Variants in SANBR observed in about 807,000 individuals in gnomAD.
The protein encoded by SANBR is SANT and BTB domain regulator of CSR, also known as SANT and BTB domain regulator of class switch recombination.
SANBR carries 77 observed loss-of-function variants against 101.8 expected under a neutral mutation model. The observed-to-expected ratio is 0.76, with a 90% CI of 0.63 to 0.91. The LOEUF (loss-of-function observed/expected upper bound fraction) is 0.91, where lower values mean the gene tolerates loss of function less well. Among genes scored for constraint, SANBR ranks in the 40% least tolerant of loss-of-function variants. SANBR has a pLI of 0.00. For synonymous variants in SANBR, 279 were observed against 274.7 expected (o/e 1.02, Z -0.15); for missense variants, 875 against 853.0 (o/e 1.03, Z -0.32).
chr2:61,084,193 A>G (rs546902284), intron 8 of SANBR, among the ~76,000 whole-genome samples: 19 of 152,236 alleles, frequency 1.2e-4, no homozygotes, highest in African/African-American at 4.1e-4. Context: ...GGCTCAAGCA[A>G]TCCACCCGCC....
intron 16 of SANBR, among the ~76,000 whole-genome samples, chr2:61,114,032 CATTG>C (rs1446022387): frequency 3.3e-5 from 5 of 152,252 alleles, no homozygotes; most frequent in East Asian, 1.9e-4. Context: ...CAATTAGGTA[CATTG>C]ATTGATTTTT....
downstream of SANBR, among the ~76,000 whole-genome samples, chr2:61,126,192 T>C (rs1684507722): frequency 6.6e-6 from 1 of 152,230 alleles, no homozygotes; most frequent in Admixed American, 6.5e-5. Flanking sequence ...AATGGCATTA[T>C]TGCCTACCGA....
At chr2:61,108,173 C>T (rs1267136113) in intron 14 of SANBR, 144 bp from the exon 15 acceptor site, 1 of 468,056 alleles carries the variant, frequency 2.1e-6, no homozygotes, top group Non-Finnish European at 3.8e-6. Flanking sequence ...ATATCACTTT[C>T]AGCCTGAGTT....
chr2:61,119,235 C>T (rs1345112334), intron 20 of SANBR, among the ~76,000 whole-genome samples: 2 of 152,206 alleles, frequency 1.3e-5, no homozygotes, highest in Non-Finnish European at 2.9e-5. Context: ...AAGTACCATA[C>T]TCTTGCCCTA....
In SANBR at chr2:61,106,572, G is replaced by T; in HGVS notation, c.1521G>T (p.Gly507=). The change falls in exon 14 of 22, where the codon GGG becomes GGT. Residue 507 remains glycine, a synonymous_variant. Transcript: ENST00000402291. ...PFSKDTVSDV[G]VGLCDEKGIE... is the part of the protein sequence containing the mutation. The stretch of plus-strand genomic sequence containing the variant: ...GTCTTTTTCTTTCAAGTGATGTTGG[G>T]GTTGGCCTCTGTGATGAAAAGGGTA... 1 of 1,595,026 alleles carries T rather than the reference G, an allele frequency of 6.3e-7. No individual in the cohort carries two copies. The highest frequency in any genetic ancestry group is 8.5e-7 in the Non-Finnish European group (1 of 1,172,718).
At chr2:61,083,909 T>C (rs1271016703) in intron 8 of SANBR, among the ~76,000 whole-genome samples, 1 of 152,120 alleles carries the variant, frequency 6.6e-6, no homozygotes, top group Non-Finnish European at 1.5e-5. Context: ...GGTCTCACTT[T>C]GTTGCCCAGT....
intron 10 of SANBR, among the ~76,000 whole-genome samples, 172 bp from the exon 11 acceptor site, chr2:61,092,292 G>C (rs1284766992): frequency 1.3e-5 from 2 of 152,238 alleles, no homozygotes; most frequent in African/African-American, 4.8e-5. Flanking sequence ...GCCAAGGCAA[G>C]AGAATTGCTT....
intron 20 of SANBR, among the ~76,000 whole-genome samples, chr2:61,119,919 G>T (rs1033541514): frequency 4.6e-5 from 7 of 152,120 alleles, no homozygotes; most frequent in African/African-American, 1.7e-4. Flanking sequence ...CCAAGAGCAC[G>T]CCACTACACT....
intron 20 of SANBR, among the ~76,000 whole-genome samples, chr2:61,129,718 C>T (rs1684627236): frequency 6.6e-6 from 1 of 151,214 alleles, no homozygotes; most frequent in African/African-American, 2.4e-5. Flanking sequence ...ATGAAGAGAA[C>T]CAGAAATGAG....
chr2:61,098,957 A>C (rs1449703887), intron 12 of SANBR, among the ~76,000 whole-genome samples: 1 of 152,244 alleles, frequency 6.6e-6, no homozygotes, highest in East Asian at 1.9e-4. Flanking sequence ...GGTATGATTC[A>C]GCCATAGATG....
At chr2:61,091,967 T>A (rs774162012) in intron 10 of SANBR, among the ~76,000 whole-genome samples, 78 of 152,334 alleles carry the variant, frequency 5.1e-4, no homozygotes, top group Non-Finnish European at 5.1e-4. Context: ...ATTAATGAAA[T>A]GTTATTAGTG....
intron 4 of SANBR, among the ~76,000 whole-genome samples, chr2:61,072,850 T>TTTTTTTTTA (rs59557585): frequency 9.5e-6 from 1 of 105,246 alleles, no homozygotes; most frequent in East Asian, 2.2e-4. Context: ...TTTTTTTTTT[T>TTTTTTTTTA]ATACAGGTAC....
chr2:61,097,950 A>G, intron 12 of SANBR, 98 bp downstream of exon 12: 3 of 960,184 alleles, frequency 3.1e-6, no homozygotes, highest in Non-Finnish European at 3.0e-6. Flanking sequence ...AAATATAGTA[A>G]GAAGCCGTTC....
At chr2:61,085,693 T>C (rs1427937344) in intron 8 of SANBR, among the ~76,000 whole-genome samples, 2 of 152,082 alleles carry the variant, frequency 1.3e-5, no homozygotes, top group East Asian at 1.9e-4. Context: ...ATATTTTTAG[T>C]AGAGACGGGG....
chr2:61,127,465 T>G (rs1201044921), downstream of SANBR, among the ~76,000 whole-genome samples: 1 of 152,198 alleles, frequency 6.6e-6, no homozygotes, highest in Non-Finnish European at 1.5e-5. Context: ...CTGAGCAGAC[T>G]AGAAAGTTAA....
chr2:61,121,047 T>C (rs1684311199), intron 20 of SANBR, 138 bp from the exon 21 acceptor site: 2 of 609,850 alleles, frequency 3.3e-6, no homozygotes, highest in South Asian at 2.1e-5. Flanking sequence ...TTTTTCTTTA[T>C]GTAAATTAAA....
chr2:61,107,494 A>T (rs917293589), intron 14 of SANBR, among the ~76,000 whole-genome samples: 3 of 152,228 alleles, frequency 2.0e-5, no homozygotes, highest in Admixed American at 6.5e-5. Context: ...GTTACTAAGG[A>T]CCAGGGAATA....
chr2:61,066,652 G>T (rs1681186620), intron 1 of SANBR, among the ~76,000 whole-genome samples: 1 of 152,218 alleles, frequency 6.6e-6, no homozygotes, highest in African/African-American at 2.4e-5. Context: ...CCTGCCCCAC[G>T]GGGCCCCCTC....
Position 61,088,141 on chromosome 2 carries a change from G to C in SANBR, c.891-18G>C, listed in dbSNP as rs760478098. 13 of 1,443,926 alleles carry C rather than the reference G, an allele frequency of 9.0e-6. No homozygotes were observed. The South Asian group carries it at 1.6e-4, about 18-fold the overall frequency. The allele number at this position is 1,443,926 out of a possible 1,614,324, so 89.4% of individuals were successfully genotyped here. On this transcript the variant is annotated intron_variant, in intron 8 of 21. Transcript: ENST00000402291. The stretch of plus-strand genomic sequence containing the variant: ...AGTAGTGTAGAAAATTAATATTTTG[G>C]TCATTTGTTGTTAATAGCAAACTTT...
Sources: gnomAD v4.1 joint callset for allele counts (sites outside exome capture counted in the v4.1 genomes callset) on GRCh38, gnomAD v4.1.1 for gene constraint, MANE v1.5 for transcripts, NCBI Gene and HGNC (gene_info 2026-07-23, HGNC 2026-07-21) for gene names.